ARMC8: variants seen among roughly 807,000 people sequenced by gnomAD.
ARMC8 encodes the protein armadillo repeat-containing protein 8.
A neutral mutation model predicts 99.3 loss-of-function variants in ARMC8; 20 were observed. The ratio of observed to expected loss-of-function variants is 0.20; its 90% confidence interval spans 0.14 to 0.29. ARMC8 has a LOEUF of 0.29. Among genes scored for constraint, ARMC8 ranks in the 10% least tolerant of loss-of-function variants. The pLI is 1.00. For missense variants in ARMC8, 569 were observed against 809.5 expected (o/e 0.70, Z 3.60); for synonymous variants, 263 against 278.3 (o/e 0.95, Z 0.55).
rs559192245 is a variant in ARMC8, at chr3:138,254,943, G to A, written c.1135-8796G>A. On this transcript the variant is annotated intron_variant, in intron 12 of 21. Transcript: ENST00000469044. Reference sequence around the variant, plus strand: ...AATGAAATGTAGAAACTTAAGAATGGGCCCACAATATGTACCCCTCTTCTT... The same window carrying A: ...AATGAAATGTAGAAACTTAAGAATGAGCCCACAATATGTACCCCTCTTCTT... 2.0e-5 allele frequency among the ~76,000 whole-genome samples: 3 copies of A among 152,200 alleles called. No individual in the cohort carries two copies. In the East Asian group the frequency reaches 5.8e-4, roughly 29 times the overall value.
rs1011090786 is a variant in ARMC8 at position 138,270,555 on chromosome 3, A to AT, written c.1479+431dup. 1.6e-4 allele frequency among the ~76,000 whole-genome samples: 25 copies of AT among 152,184 alleles called. 1 individual carries two copies. The highest frequency in any genetic ancestry group is 1.5e-3 in the Admixed American group (23 of 15,290). On this transcript the variant is annotated intron_variant, in intron 16 of 21. Transcript: ENST00000469044. The stretch of plus-strand genomic sequence containing the variant: ...AAGTAAACTAAGGCACAGAATGATT[A>AT]TTTTTTTTAATTGGCAAATAAAAAT...
At chr3:138,236,133 A>G (rs139700559) in intron 7 of ARMC8, among the ~76,000 whole-genome samples, 169 of 152,220 alleles carry the variant, frequency 1.1e-3, no homozygotes, top group African/African-American at 3.9e-3. Flanking sequence ...AATTTATTTC[A>G]GGTAGGGCCT....
At chr3:138,257,086 T>G (rs2047445342) in intron 12 of ARMC8, among the ~76,000 whole-genome samples, 1 of 152,192 alleles carries the variant, frequency 6.6e-6, no homozygotes, top group Admixed American at 6.5e-5. Flanking sequence ...TTATTCAGCC[T>G]AAAAATGAAC....
chr3:138,267,885 A>AT (rs1194029570), intron 15 of ARMC8, among the ~76,000 whole-genome samples: 4 of 152,252 alleles, frequency 2.6e-5, no homozygotes, highest in African/African-American at 9.6e-5. Context: ...TTTGTGTTGA[A>AT]TTTATTTGCT....
chr3:138,263,923 A>G, intron 13 of ARMC8, 102 bp downstream of exon 13: 1 of 1,168,156 alleles, frequency 8.6e-7, no homozygotes, highest in East Asian at 2.3e-5. Context: ...AATGTTCCTC[A>G]AAAATCTGCT....
chr3:138,188,283 G>C (rs535888521), intron 1 of ARMC8: 5 of 859,388 alleles, frequency 5.8e-6, no homozygotes. Flanking sequence ...TTTTCTTTAA[G>C]GGGAGTCAAA....
chr3:138,230,919 G>A (rs1254424623), intron 6 of ARMC8, among the ~76,000 whole-genome samples: 1 of 152,134 alleles, frequency 6.6e-6, no homozygotes, highest in East Asian at 1.9e-4. Context: ...AAATTATAGA[G>A]TACCATTAAA....
chr3:138,232,196 G>A (rs1464818847), intron 6 of ARMC8, among the ~76,000 whole-genome samples: 1 of 151,246 alleles, frequency 6.6e-6, no homozygotes, highest in Non-Finnish European at 1.5e-5. Context: ...GGCTGGTCTC[G>A]AACTCCTGAC....
At chr3:138,226,332 T>G (rs2045696417) in intron 5 of ARMC8, among the ~76,000 whole-genome samples, 2 of 152,230 alleles carry the variant, frequency 1.3e-5, no homozygotes, top group African/African-American at 2.4e-5. Context: ...TTGTGTGACA[T>G]TCTTCAGGGA....
intron 2 of ARMC8, among the ~76,000 whole-genome samples, chr3:138,210,265 G>C (rs148927828): frequency 6.6e-6 from 1 of 152,190 alleles, no homozygotes; most frequent in East Asian, 1.9e-4. Context: ...GCTTTGTTTT[G>C]TTTTTGGTTA....
intron 18 of ARMC8, among the ~76,000 whole-genome samples, chr3:138,284,171 T>C (rs1193840029): frequency 6.6e-6 from 1 of 152,250 alleles, no homozygotes; most frequent in African/African-American, 2.4e-5. Context: ...ACAAAATAGC[T>C]GCCTTTGACC....
chr3:138,188,662 C>T, intron 1 of ARMC8: 1 of 1,212,684 alleles, frequency 8.2e-7, no homozygotes, highest in Non-Finnish European at 1.2e-6. Context: ...TGTCGGGTTC[C>T]TAGAGTCTTG....
intron 15 of ARMC8, among the ~76,000 whole-genome samples, chr3:138,268,677 G>C (rs189493011): frequency 1.3e-5 from 2 of 152,022 alleles, no homozygotes; most frequent in African/African-American, 4.8e-5. Context: ...TCGAGAGGCC[G>C]AGGCAGGAGA....
At chr3:138,221,849 A>C in intron 2 of ARMC8, 77 bp from the exon 3 acceptor site, 1 of 1,122,672 alleles carries the variant, frequency 8.9e-7, no homozygotes, top group Non-Finnish European at 1.3e-6. Flanking sequence ...AAGATATTGC[A>C]TAATGAAGTA....
At chr3:138,293,052 G>A (rs1390592466) in intron 21 of ARMC8, among the ~76,000 whole-genome samples, 4 of 152,144 alleles carry the variant, frequency 2.6e-5, no homozygotes, top group Non-Finnish European at 5.9e-5. Context: ...TCCAGGCTTT[G>A]CCAGGGATGC....
intron 12 of ARMC8, among the ~76,000 whole-genome samples, chr3:138,247,657 A>G (rs2046944204): frequency 6.6e-6 from 1 of 152,252 alleles, no homozygotes; most frequent in Non-Finnish European, 1.5e-5. Context: ...AGGTATACAC[A>G]GTAGTAAAGG....
rs550841780 is a variant in ARMC8 at position 138,297,023 on chromosome 3, G to C, written c.*1131G>C. The stretch of plus-strand genomic sequence containing the variant: ...TAAAGAATATTCTACAGACACCCCT[G>C]TAGAAAGAAACAAAGAACAGGATAG... On this transcript the variant is annotated 3_prime_UTR_variant, in exon 22 of 22. Coordinates refer to ENST00000469044, the MANE Select transcript of ARMC8 (RefSeq NM_001363941.2). The C allele has an allele frequency of 6.6e-6, 1 of 152,284 alleles. No homozygotes were observed. Among genetic ancestry groups the C allele is most frequent in the East Asian group, 1.9e-4 (1 of 5,186 alleles). 9.4% of individuals were successfully genotyped at this position (152,284 alleles called of 1,614,324 possible).
chr3:138,290,682 A>G (rs531202875), intron 21 of ARMC8, 43 bp downstream of exon 21: 1 of 1,359,144 alleles, frequency 7.4e-7, no homozygotes, highest in South Asian at 1.3e-5. Flanking sequence ...GCTGTGTTGG[A>G]TTCTTTCGTG....
rs932092541 is a variant in ARMC8, at chr3:138,245,882, C to T, written c.1134+699C>T. ...CAAACCAAAAAGCTGGAACTTACCA[C>T]TCAAAAACATGTATAACCTAATAAA... On this transcript the variant is annotated intron_variant, in intron 12 of 21. Coordinates refer to ENST00000469044, the MANE Select transcript of ARMC8 (RefSeq NM_001363941.2). The T allele has an allele frequency of 7.5e-5, 74 of 985,446 alleles. No individual in the cohort carries two copies. In the African/African-American group the frequency reaches 1.1e-3, roughly 15 times the overall value. 61.0% of individuals were successfully genotyped at this position (985,446 alleles called of 1,614,324 possible).
Sources: gnomAD v4.1 joint callset for allele counts (sites outside exome capture counted in the v4.1 genomes callset) on GRCh38, gnomAD v4.1.1 for gene constraint, MANE v1.5 for transcripts, NCBI Gene and HGNC (gene_info 2026-07-23, HGNC 2026-07-21) for gene names.